RBBP8NL: variants seen among roughly 807,000 people sequenced by gnomAD.
The protein encoded by RBBP8NL is RBBP8 N-terminal-like protein.
Under a neutral mutation model 62.2 loss-of-function variants are expected in RBBP8NL, and 59 were observed. That is an observed-to-expected ratio of 0.95 (90% CI 0.77 to 1.18). RBBP8NL has a LOEUF of 1.18. RBBP8NL is among the 50% of genes most tolerant of loss of function. The pLI, the probability that RBBP8NL is intolerant of heterozygous loss-of-function variation, is 0.00. For synonymous variants in RBBP8NL, 412 were observed against 394.1 expected (o/e 1.05, Z -0.54); for missense variants, 896 against 899.5 (o/e 1.00, Z 0.05).
intron 3 of RBBP8NL, 131 bp from the exon 4 acceptor site, chr20:62,417,450 G>T: frequency 6.2e-6 from 4 of 644,044 alleles, no homozygotes; most frequent in South Asian, 1.8e-5. Flanking sequence ...GCCTAACCCG[G>T]TGCCCCCCTC....
At chr20:62,411,662 G>A (rs1410315571) in intron 13 of RBBP8NL, among the ~76,000 whole-genome samples, 2 of 152,272 alleles carry the variant, frequency 1.3e-5, no homozygotes, top group East Asian at 3.8e-4. Context: ...CTGTGCTCAT[G>A]CTGGGCAGGG....
At position 62,423,586 on chromosome 20, in the gene RBBP8NL, C is replaced by T. The variant is rs193086174; in HGVS notation, c.-83-3856G>A. Among the ~76,000 whole-genome samples, 359 of 152,288 alleles carry T rather than the reference C, an allele frequency of 2.4e-3. 2 individuals carry two copies. The highest frequency in any genetic ancestry group is 7.8e-3 in the African/African-American group (326 of 41,558). ...GCTGGGCCGACGCCCATAAAGGAGCCGCCCAAGGGAGCCCATGGTGCCTGC... is the reference window on the plus strand; with the variant it reads ...GCTGGGCCGACGCCCATAAAGGAGCTGCCCAAGGGAGCCCATGGTGCCTGC... On this transcript the variant is annotated intron_variant, in intron 1 of 13. Coordinates refer to ENST00000252998, the MANE Select transcript of RBBP8NL (RefSeq NM_080833.3).
chr20:62,421,909 G>T (rs1569027471), intron 1 of RBBP8NL, among the ~76,000 whole-genome samples: 1 of 152,124 alleles, frequency 6.6e-6, no homozygotes, highest in Non-Finnish European at 1.5e-5. Flanking sequence ...AAGCCAGTGT[G>T]CATGTGTGTG....
At chr20:62,421,151 G>A (rs1013635828) in intron 1 of RBBP8NL, among the ~76,000 whole-genome samples, 1 of 152,276 alleles carries the variant, frequency 6.6e-6, no homozygotes, top group Non-Finnish European at 1.5e-5. Flanking sequence ...CACACAAACC[G>A]CTGCAGTTCA....
At chr20:62,417,343 G>T in intron 3 of RBBP8NL, 24 bp from the exon 4 acceptor site, 2 of 1,550,182 alleles carry the variant, frequency 1.3e-6, no homozygotes, top group East Asian at 2.3e-5. Context: ...CAGCTAAAGT[G>T]GGGTCCTGTT....
chr20:62,411,404 G>C (rs1228754155), intron 13 of RBBP8NL, among the ~76,000 whole-genome samples: 2 of 152,240 alleles, frequency 1.3e-5, no homozygotes, highest in Admixed American at 1.3e-4. Context: ...CCGAGATGCT[G>C]GGCTTAGGCC....
Position 62,420,350 on chromosome 20 carries a change from GCACACACACACACACACA to G in RBBP8NL, c.-83-638_-83-621del, listed in dbSNP as rs55946617. Among the ~76,000 whole-genome samples, 137 of 129,848 alleles carry G rather than the reference GCACACACACACACACACA, an allele frequency of 1.1e-3. 1 individual carries two copies. The highest frequency in any genetic ancestry group is 8.3e-3 in the Middle Eastern group (2 of 242). The allele number at this position is 129,848 out of a possible 152,430, so 85.2% of individuals were successfully genotyped here. A position where few individuals can be genotyped will look rare whatever the true frequency, so the allele number is the denominator to read the frequency against. ...TGGCAGCTTCAATCCTGTCCCACAG[GCACACACACACACACACA>G]CACACACACACACACACACACACAC... On this transcript the variant is annotated intron_variant, in intron 1 of 13. Coordinates refer to ENST00000252998, the MANE Select transcript of RBBP8NL (RefSeq NM_080833.3).
intron 1 of RBBP8NL, among the ~76,000 whole-genome samples, chr20:62,423,108 C>T (rs1988741881): frequency 6.6e-6 from 1 of 152,088 alleles, no homozygotes; most frequent in African/African-American, 2.4e-5. Flanking sequence ...AGCATGGAGC[C>T]TGCCGGAAGC....
intron 13 of RBBP8NL, 70 bp downstream of exon 13, chr20:62,412,554 G>A: frequency 1.9e-6 from 3 of 1,553,126 alleles, no homozygotes; most frequent in African/African-American, 1.3e-5. Context: ...AGGAGAGGTG[G>A]CACTGGGGAG....
intron 1 of RBBP8NL, among the ~76,000 whole-genome samples, chr20:62,426,345 C>T (rs923821068): frequency 2.6e-5 from 4 of 152,262 alleles, no homozygotes; most frequent in African/African-American, 7.2e-5. Context: ...GTGGTGCCCT[C>T]TGCACCTTGA....
At chr20:62,418,308 C>T in intron 3 of RBBP8NL, 115 bp downstream of exon 3, 1 of 1,049,324 alleles carries the variant, frequency 9.5e-7, no homozygotes, top group Non-Finnish European at 1.4e-6. Flanking sequence ...CACACTGAGC[C>T]TCAGTTTCCC....
chr20:62,417,434 G>GCTGGATCCT (rs1988595060), intron 3 of RBBP8NL, 115 bp from the exon 4 acceptor site: 17 of 769,072 alleles, frequency 2.2e-5, no homozygotes, highest in African/African-American at 1.2e-4. Context: ...TTGGTCTGGG[G>GCTGGATCCT]GCAACGCCTA....
chr20:62,421,054 TC>T (rs11324173), intron 1 of RBBP8NL, among the ~76,000 whole-genome samples: 79,011 of 152,108 alleles, frequency 0.52, 21,786 homozygotes, highest in South Asian at 0.65. Context: ...CCCTGACCCT[TC>T]CCCCTCCTCC....
At chr20:62,417,657 C>T in intron 3 of RBBP8NL, among the ~76,000 whole-genome samples, 1 of 116,476 alleles carries the variant, frequency 8.6e-6, no homozygotes, top group Non-Finnish European at 1.8e-5. Context: ...TCTGTCCCGT[C>T]CACGCACCCC....
intron 1 of RBBP8NL, among the ~76,000 whole-genome samples, chr20:62,421,700 T>TGTGC (rs1988704529): frequency 6.9e-6 from 1 of 145,580 alleles, no homozygotes; most frequent in Non-Finnish European, 1.5e-5. Flanking sequence ...TGCATGTGTG[T>TGTGC]GGCATGTGTG....
intron 11 of RBBP8NL, 63 bp from the exon 12 acceptor site, chr20:62,412,963 C>A: frequency 6.3e-7 from 1 of 1,577,800 alleles, no homozygotes; most frequent in Non-Finnish European, 8.7e-7. Flanking sequence ...CCGAGCCTGC[C>A]AGACTAGGAT....
At position 62,413,815 on chromosome 20, in the gene RBBP8NL, C is replaced by T; in HGVS notation, c.1530+6G>A. 1 of 1,590,490 alleles carries T rather than the reference C, an allele frequency of 6.3e-7. No individual in the cohort carries two copies. Among genetic ancestry groups the T allele is most frequent in the Non-Finnish European group, 8.5e-7 (1 of 1,170,070 alleles). The stretch of plus-strand genomic sequence containing the variant: ...ACCGGGTCTGAGCCAGGACCGGGCT[C>T]CTTACCATGGGAGTGGAAGCCTCCT... On this transcript the variant is annotated splice_donor_region_variant and intron_variant, in intron 10 of 13. Transcript: ENST00000252998.
At chr20:62,412,796 G>T in intron 12 of RBBP8NL, 34 bp downstream of exon 12, 1 of 1,613,160 alleles carries the variant, frequency 6.2e-7, no homozygotes, top group Non-Finnish European at 8.5e-7. Flanking sequence ...CTGCCTCCTG[G>T]CCCTGCCCTG....
intron 13 of RBBP8NL, among the ~76,000 whole-genome samples, chr20:62,411,500 C>G (rs1045321299): frequency 6.6e-6 from 1 of 152,264 alleles, no homozygotes; most frequent in Non-Finnish European, 1.5e-5. Flanking sequence ...TGACCTTGGG[C>G]AAGTGACCTC....
Sources: allele counts gnomAD v4.1 joint callset (sites outside exome capture counted in the v4.1 genomes callset), GRCh38; gene constraint gnomAD v4.1.1; transcripts MANE v1.5; gene names NCBI Gene and HGNC (gene_info 2026-07-23, HGNC 2026-07-21).